Variants in KLK11 observed in about 807,000 individuals in gnomAD.
KLK11 encodes kallikrein related peptidase 11.
Under a neutral mutation model 23.4 loss-of-function variants are expected in KLK11, and 10 were observed. The observed-to-expected ratio is 0.43, with a 90% CI of 0.26 to 0.73. KLK11 has a LOEUF of 0.73. Ranked by LOEUF, KLK11 falls within the 30% of genes least tolerant of loss-of-function variation. KLK11 has a pLI of 0.22. For missense variants in KLK11, 285 were observed against 327.8 expected (o/e 0.87, Z 1.01); for synonymous variants, 131 against 131.7 (o/e 0.99, Z 0.03).
chr19:51,024,799 AG>A lies in KLK11; in HGVS notation c.41-6del. On this transcript the variant is annotated splice_region_variant and splice_polypyrimidine_tract_variant and intron_variant, in intron 2 of 5. Transcript: ENST00000453757. This position sits in a 1 kb window ranked among gnomAD's most constrained non-coding sequence, Gnocchi z 6.2. ...TGGTCTCTCCCCCTACAAGCCCTGG[AG>A]GGGGTGAGAGCAAAAGAAGGGGCTC... 2 of 1,560,336 alleles carry A rather than the reference AG, an allele frequency of 1.3e-6. No homozygotes were observed. The highest frequency in any genetic ancestry group is 1.4e-5 in the African/African-American group (1 of 71,492).
In KLK11 at chr19:51,022,586, T is replaced by C; in HGVS notation, c.712A>G (p.Lys238Glu). Residue 238 changes from lysine (K) to glutamate (E), a missense_variant, in exon 6 of 6, where the codon AAA (lysine) becomes GAA (glutamate). Lys to Glu is a moderately conservative substitution (Grantham distance 56). Coordinates refer to ENST00000453757, the MANE Select transcript of KLK11 (RefSeq NM_001136032.3). ...GTCTCCTGGATCCAGTCCACATATT[T>C]GCAGACTTTCGTGTAGACACCAGGC... is the stretch of plus-strand genomic sequence containing the variant. ...RKPGVYTKVC[K>E]YVDWIQETMK... The C allele has an allele frequency of 6.2e-7, 1 of 1,614,096 alleles. No homozygotes were observed. Among genetic ancestry groups the C allele is most frequent in the Non-Finnish European group, 8.5e-7 (1 of 1,180,026 alleles).
intron 4 of KLK11, 87 bp from the exon 5 acceptor site, chr19:51,023,315 A>C: frequency 6.6e-7 from 1 of 1,517,902 alleles, no homozygotes; most frequent in Non-Finnish European, 8.9e-7. Flanking sequence ...CCCCTGGGGG[A>C]ATCCCTGTCC....
At chr19:51,027,818 G>T, upstream of KLK11, 1 of 360,632 alleles carries the variant, frequency 2.8e-6, no homozygotes, top group South Asian at 3.8e-5. Flanking sequence ...CTTCCAGGAG[G>T]GTCCACTTGG....
In KLK11 at chr19:51,024,607, AC is replaced by A; in HGVS notation, c.197+30del. ...TCCATCTCCCCATTCCCAGCCCCCCACCCCGGCACCGCCCCAGCCCCCGCAC... is the reference window on the plus strand; with the variant it reads ...TCCATCTCCCCATTCCCAGCCCCCCACCCGGCACCGCCCCAGCCCCCGCAC... On this transcript the variant is annotated intron_variant, in intron 3 of 5. Coordinates refer to ENST00000453757, the MANE Select transcript of KLK11 (RefSeq NM_001136032.3). The surrounding 1 kb of genome is among the most constrained non-coding windows in gnomAD (Gnocchi z 6.2). The A allele has an allele frequency of 2.4e-6, 2 of 817,906 alleles. No homozygotes were observed. Among genetic ancestry groups the A allele is most frequent in the South Asian group, 1.8e-5 (1 of 57,084 alleles). 50.7% of individuals were successfully genotyped at this position (817,906 alleles called of 1,614,324 possible).
At position 51,024,527 on chromosome 19, in the gene KLK11, C is replaced by T; in HGVS notation, c.197+111G>A. The T allele has an allele frequency of 5.5e-6, 7 of 1,282,768 alleles. No individual in the cohort carries two copies. Among genetic ancestry groups the T allele is most frequent in the Non-Finnish European group, 6.3e-6 (6 of 955,578 alleles). The allele number at this position is 1,282,768 out of a possible 1,614,324, so 79.5% of individuals were successfully genotyped here. The stretch of plus-strand genomic sequence containing the variant: ...GAGCCCATCAACCTTGCTGACACTA[C>T]CCATCCCCATCTCTAATCCCCTTAC... On this transcript the variant is annotated intron_variant, in intron 3 of 5. Transcript: ENST00000453757. This position sits in a 1 kb window ranked among gnomAD's most constrained non-coding sequence, Gnocchi z 6.2.
chr19:51,023,089 G>A lies in KLK11; in HGVS notation c.600+3C>T. 1 of 1,603,688 alleles carries A rather than the reference G, an allele frequency of 6.2e-7. No individual in the cohort carries two copies. The highest frequency in any genetic ancestry group is 1.1e-5 in the South Asian group (1 of 89,002). ...TGGGGCTGTGGTTGGAGACCACACT[G>A]ACCTGGCAGGAGTCCTTGCCCCCTT... On this transcript the variant is annotated splice_donor_region_variant and intron_variant, in intron 5 of 5. Transcript: ENST00000453757.
chr19:51,024,876 G>A lies in KLK11; in HGVS notation c.41-82C>T. On this transcript the variant is annotated intron_variant, in intron 2 of 5. Coordinates refer to ENST00000453757, the MANE Select transcript of KLK11 (RefSeq NM_001136032.3). The surrounding 1 kb of genome is among the most constrained non-coding windows in gnomAD (Gnocchi z 6.2). ...GGACTCCCAGAAATGGGGGTGGGGA[G>A]GAGAGAAAGAGAGTGGGTGGTCTGG... 2 of 1,355,442 alleles carry A rather than the reference G, an allele frequency of 1.5e-6. No individual in the cohort carries two copies. The highest frequency in any genetic ancestry group is 1.5e-5 in the African/African-American group (1 of 66,308). The allele number at this position is 1,355,442 out of a possible 1,614,324, so 84.0% of individuals were successfully genotyped here. A position where few individuals can be genotyped will look rare whatever the true frequency, so the allele number is the denominator to read the frequency against.
Position 51,024,524 on chromosome 19 carries a change from C to A in KLK11, c.197+114G>T. 1 of 1,286,726 alleles carries A rather than the reference C, an allele frequency of 7.8e-7. No individual in the cohort carries two copies. Among genetic ancestry groups the A allele is most frequent in the Non-Finnish European group, 1.0e-6 (1 of 959,090 alleles). 79.7% of individuals were successfully genotyped at this position (1,286,726 alleles called of 1,614,324 possible). Reference sequence around the variant, plus strand: ...CTCGAGCCCATCAACCTTGCTGACACTACCCATCCCCATCTCTAATCCCCT... The same window carrying A: ...CTCGAGCCCATCAACCTTGCTGACAATACCCATCCCCATCTCTAATCCCCT... On this transcript the variant is annotated intron_variant, in intron 3 of 5. Transcript: ENST00000453757. The surrounding 1 kb of genome is among the most constrained non-coding windows in gnomAD (Gnocchi z 6.2).
chr19:51,024,027 C>T lies in KLK11; in HGVS notation c.463+18G>A. ...CCTCCTCACCACCCCCTGCCAGGTT[C>T]CCCTCTGGTGCTCCTACACTGGGGG... On this transcript the variant is annotated intron_variant, in intron 4 of 5. Transcript: ENST00000453757. The surrounding 1 kb of genome is among the most constrained non-coding windows in gnomAD (Gnocchi z 6.2). 1.3e-6 allele frequency: 2 copies of T among 1,503,048 alleles called. No homozygotes were observed. Among genetic ancestry groups the T allele is most frequent in the Non-Finnish European group, 1.8e-6 (2 of 1,121,240 alleles). 93.1% of individuals were successfully genotyped at this position (1,503,048 alleles called of 1,614,324 possible).
rs145496008 is a variant in KLK11, at chr19:51,023,186, A to G, written c.506T>C (p.Ile169Thr). 9.9e-5 allele frequency: 159 copies of G among 1,613,732 alleles called. No individual in the cohort carries two copies. The African/African-American group carries it at 1.7e-3, about 17-fold the overall frequency. Reference sequence around the variant, plus strand: ...GGCGTTCTCACACTTCTGGTGCTCAATGATGGTGATGTTGGCGCATCGCAA... The same window carrying G: ...GGCGTTCTCACACTTCTGGTGCTCAGTGATGGTGATGTTGGCGCATCGCAA... ...HTLRCANITI[I>T]EHQKCENAYP... is the part of the protein sequence containing the mutation. The change falls in exon 5 of 6, where the codon ATT becomes ACT. Residue 169 changes from isoleucine to threonine, a missense_variant. Coordinates refer to ENST00000453757, the MANE Select transcript of KLK11 (RefSeq NM_001136032.3).
Position 51,025,194 on chromosome 19 carries a change from G to C in KLK11, c.40+398C>G, listed in dbSNP as rs1416216706. 1.3e-5 allele frequency among the ~76,000 whole-genome samples: 2 copies of C among 152,006 alleles called. No individual in the cohort carries two copies. Among genetic ancestry groups the C allele is most frequent in the East Asian group, 1.9e-4 (1 of 5,184 alleles). ...GATGGCTTAAGGATCACTTAAGCCCGGGAAGTCAAGACTGCAGTGAGCCGT... is the reference window on the plus strand; with the variant it reads ...GATGGCTTAAGGATCACTTAAGCCCCGGAAGTCAAGACTGCAGTGAGCCGT... On this transcript the variant is annotated intron_variant, in intron 2 of 5. Transcript: ENST00000453757. The surrounding 1 kb of genome is among the most constrained non-coding windows in gnomAD (Gnocchi z 6.2).
Position 51,024,571 on chromosome 19 carries a change from G to C in KLK11, c.197+67C>G, listed in dbSNP as rs1399325432. 2.1e-6 allele frequency: 3 copies of C among 1,421,626 alleles called. No individual in the cohort carries two copies. The highest frequency in any genetic ancestry group is 2.8e-6 in the Non-Finnish European group (3 of 1,077,376). The allele number at this position is 1,421,626 out of a possible 1,614,324, so 88.1% of individuals were successfully genotyped here. A position where few individuals can be genotyped will look rare whatever the true frequency, so the allele number is the denominator to read the frequency against. ...CCCTTACCAGCACCCCTATCCCTGA[G>C]CTTCTCTCCATCCATCTCCCCATTC... On this transcript the variant is annotated intron_variant, in intron 3 of 5. Transcript: ENST00000453757. This position sits in a 1 kb window ranked among gnomAD's most constrained non-coding sequence, Gnocchi z 6.2.
Position 51,022,425 on chromosome 19 carries a change from C to T in KLK11, c.*120G>A. ...TTAAGTGACAGCATCTCCTGTAGTC[C>T]AGGAGGCCCAAAGAATGTTCGTAGA... On this transcript the variant is annotated 3_prime_UTR_variant, in exon 6 of 6. Transcript: ENST00000453757. 3 of 1,183,586 alleles carry T rather than the reference C, an allele frequency of 2.5e-6. No homozygotes were observed. The allele number at this position is 1,183,586 out of a possible 1,614,324, so 73.3% of individuals were successfully genotyped here.
In KLK11 at chr19:51,025,115, A is replaced by C. The variant is rs2091462585; in HGVS notation, c.41-321T>G. Reference sequence around the variant, plus strand: ...CCCCCATCTCTACAAACAATTAAACAATTAGCCTGGCTTGGTGGCAGGTGC... The same window carrying C: ...CCCCCATCTCTACAAACAATTAAACCATTAGCCTGGCTTGGTGGCAGGTGC... On this transcript the variant is annotated intron_variant, in intron 2 of 5. Transcript: ENST00000453757. This position sits in a 1 kb window ranked among gnomAD's most constrained non-coding sequence, Gnocchi z 6.2. Among the ~76,000 whole-genome samples, 1 of 152,030 alleles carries C rather than the reference A, an allele frequency of 6.6e-6. No individual in the cohort carries two copies. Among genetic ancestry groups the C allele is most frequent in the African/African-American group, 2.4e-5 (1 of 41,380 alleles).
chr19:51,026,262 G>A (rs1288063808), intron 1 of KLK11, among the ~76,000 whole-genome samples: 1 of 152,014 alleles, frequency 6.6e-6, no homozygotes, highest in Non-Finnish European at 1.5e-5. Flanking sequence ...AAGCTGGGCG[G>A]GGCTGGTCGA....
At position 51,022,259 on chromosome 19, in the gene KLK11, A is replaced by G. The variant is rs764424570; in HGVS notation, c.*286T>C. Reference sequence around the variant, plus strand: ...ACTCATTTAGCAAATATTTATTGAAACCTTGATATATGGCCAGGAGCTGTC... The same window carrying G: ...ACTCATTTAGCAAATATTTATTGAAGCCTTGATATATGGCCAGGAGCTGTC... On this transcript the variant is annotated 3_prime_UTR_variant, in exon 6 of 6. Transcript: ENST00000453757. 2.2e-6 allele frequency: 1 copy of G among 454,952 alleles called. No homozygotes were observed. The highest frequency in any genetic ancestry group is 4.1e-6 in the Non-Finnish European group (1 of 246,546). 28.2% of individuals were successfully genotyped at this position (454,952 alleles called of 1,614,324 possible).
rs1256721882 is a variant in KLK11 at position 51,025,341 on chromosome 19, T to C, written c.40+251A>G. 1.3e-5 allele frequency among the ~76,000 whole-genome samples: 2 copies of C among 151,622 alleles called. No individual in the cohort carries two copies. Among genetic ancestry groups the C allele is most frequent in the East Asian group, 1.9e-4 (1 of 5,174 alleles). On this transcript the variant is annotated intron_variant, in intron 2 of 5. Coordinates refer to ENST00000453757, the MANE Select transcript of KLK11 (RefSeq NM_001136032.3). This position sits in a 1 kb window ranked among gnomAD's most constrained non-coding sequence, Gnocchi z 6.2. ...CCCTGTCCTGGGCGCTTTGAGTGAC[T>C]GCTCCCCCAACTCCAGCTTCCTCAG...
intron 4 of KLK11, 140 bp from the exon 5 acceptor site, chr19:51,023,368 C>T (rs2091431171): frequency 2.4e-6 from 2 of 839,438 alleles, no homozygotes; most frequent in Non-Finnish European, 1.8e-6. Flanking sequence ...ACAATAGCAA[C>T]AGCAATGCTA....
At chr19:51,027,941 C>T (rs754362461), upstream of KLK11, 36 of 165,458 alleles carry the variant, frequency 2.2e-4, no homozygotes, top group Admixed American at 1.8e-3. Context: ...GGTCTCTCCT[C>T]ACCTCTTGAG....
Sources: gnomAD v4.1 joint callset for allele counts (sites outside exome capture counted in the v4.1 genomes callset) on GRCh38, gnomAD v4.1.1 for gene constraint, Gnocchi (gnomAD v3.1) non-coding constraint, MANE v1.5 for transcripts, NCBI Gene and HGNC (gene_info 2026-07-23, HGNC 2026-07-21) for gene names.